The following TCTN1 variants were observed in gnomAD, a reference collection of about 807,000 sequenced individuals.
TCTN1 encodes the protein tectonic-1.
TCTN1 carries 58 observed loss-of-function variants against 65.8 expected under a neutral mutation model. That is an observed-to-expected ratio of 0.88 (90% CI 0.71 to 1.10). The LOEUF (loss-of-function observed/expected upper bound fraction) is 1.10, where lower values mean the gene tolerates loss of function less well. Among genes scored for constraint, TCTN1 ranks in the 50% least tolerant of loss-of-function variants. The pLI, the probability that TCTN1 is intolerant of heterozygous loss-of-function variation, is 0.00. For missense variants in TCTN1, 645 were observed against 719.4 expected (o/e 0.90, Z 1.18); for synonymous variants, 273 against 289.1 (o/e 0.94, Z 0.57).
At chr12:110,642,466 C>T in intron 11 of TCTN1, 77 bp downstream of exon 11, 1 of 1,600,200 alleles carries the variant, frequency 6.2e-7, no homozygotes, top group East Asian at 2.2e-5. Context: ...CCATTTTAAT[C>T]AAATCTCTGC....
In TCTN1 at chr12:110,620,361, T is replaced by C. The variant is rs200352400; in HGVS notation, c.341+405T>C. On this transcript the variant is annotated intron_variant, in intron 2 of 14. Coordinates refer to ENST00000397659, the MANE Select transcript of TCTN1 (RefSeq NM_001082538.3). ...AGGCAGAGCTTGCAGTGAGTGGAGA[T>C]TGCGCTACTGCACTCTAGCCTGGGT... is the stretch of plus-strand genomic sequence containing the variant. 2.2e-3 allele frequency among the ~76,000 whole-genome samples: 330 copies of C among 151,852 alleles called. 3 individuals carry two copies. Among genetic ancestry groups the C allele is most frequent in the East Asian group, 1.4e-3 (7 of 5,170 alleles).
In TCTN1 at chr12:110,628,537, C is replaced by T. The variant is rs554521707; in HGVS notation, c.473-230C>T. ...TGTATTTTTAGTAGAGACAGGATTTCACCGTGTTGGCCAGGCTGGTCTCAA... is the reference window on the plus strand; with the variant it reads ...TGTATTTTTAGTAGAGACAGGATTTTACCGTGTTGGCCAGGCTGGTCTCAA... On this transcript the variant is annotated intron_variant, in intron 3 of 14. Transcript: ENST00000397659. Among the ~76,000 whole-genome samples, 328 of 152,132 alleles carry T rather than the reference C, an allele frequency of 2.2e-3. 1 individual carries two copies. Among genetic ancestry groups the T allele is most frequent in the African/African-American group, 7.6e-3 (315 of 41,502 alleles).
chr12:110,624,032 T>C (rs1352738533), intron 2 of TCTN1, among the ~76,000 whole-genome samples: 1 of 152,064 alleles, frequency 6.6e-6, no homozygotes, highest in Non-Finnish European at 1.5e-5. Context: ...TAGAATATGG[T>C]CCCATTTTTA....
chr12:110,626,590 G>A, intron 3 of TCTN1, 98 bp downstream of exon 3: 1 of 1,291,066 alleles, frequency 7.7e-7, no homozygotes, highest in South Asian at 1.3e-5. Flanking sequence ...TATGATTATG[G>A]TTTTTTTGAG....
chr12:110,636,375 C>G (rs778001103), intron 6 of TCTN1, 106 bp from the exon 7 acceptor site: 2 of 754,838 alleles, frequency 2.6e-6, no homozygotes, highest in Non-Finnish European at 4.5e-6. Context: ...CTTTGTGAAG[C>G]CTTTAATAAG....
In TCTN1 at chr12:110,628,880, A is replaced by G. The variant is rs973469807; in HGVS notation, c.586A>G (p.Thr196Ala). The change falls in exon 4 of 15, where the codon ACA (threonine) becomes GCA (alanine). Residue 196 changes from threonine (T) to alanine (A), a missense_variant. By Grantham distance (58) the Thr-to-Ala change is moderately conservative. Transcript: ENST00000397659. ...GAATGCTGAATCATATGTTTCCTTC[A>G]CAACCAAACTGGATATTCCTACTGC... ...TLNAESYVSF[T>A]TKLDIPTAAK... The G allele has an allele frequency of 1.2e-6, 2 of 1,613,666 alleles. No individual in the cohort carries two copies. Among genetic ancestry groups the G allele is most frequent in the Admixed American group, 1.7e-5 (1 of 60,000 alleles).
At chr12:110,618,794 T>C (rs913233517) in intron 1 of TCTN1, among the ~76,000 whole-genome samples, 2 of 152,224 alleles carry the variant, frequency 1.3e-5, no homozygotes, top group Non-Finnish European at 2.9e-5. Flanking sequence ...TTCTTGTCCT[T>C]ATTTGACAGA....
chr12:110,621,472 G>T (rs2065426365), intron 2 of TCTN1, among the ~76,000 whole-genome samples: 1 of 151,440 alleles, frequency 6.6e-6, no homozygotes, highest in Non-Finnish European at 1.5e-5. Flanking sequence ...TCCAACTTGG[G>T]GCTATTTTTT....
chr12:110,638,205 C>G (rs1248009026), intron 7 of TCTN1, among the ~76,000 whole-genome samples: 1 of 152,130 alleles, frequency 6.6e-6, no homozygotes, highest in East Asian at 1.9e-4. Context: ...GCCAGCTCTA[C>G]TCTGTGAGCC....
rs541283664 is a variant in TCTN1 at position 110,621,574 on chromosome 12, G to A, written c.341+1618G>A. 2.0e-5 allele frequency among the ~76,000 whole-genome samples: 3 copies of A among 151,954 alleles called. No individual in the cohort carries two copies. In the South Asian group the frequency reaches 6.2e-4, roughly 32 times the overall value. ...TGCAACCTCTGCCTGCTGGCTTCAA[G>A]CAATTTTCCTGCCTCAGCCTCCCAA... On this transcript the variant is annotated intron_variant, in intron 2 of 14. Coordinates refer to ENST00000397659, the MANE Select transcript of TCTN1 (RefSeq NM_001082538.3).
At chr12:110,642,090 C>T in intron 10 of TCTN1, 159 bp from the exon 11 acceptor site, 2 of 864,206 alleles carry the variant, frequency 2.3e-6, no homozygotes, top group Non-Finnish European at 3.7e-6. Flanking sequence ...GAAAATAGAA[C>T]TGTTTTTTTG....
rs373866658 is a variant in TCTN1, at chr12:110,644,933, C to A, written c.1332-34C>A. The A allele has an allele frequency of 1.9e-6, 3 of 1,613,394 alleles. No homozygotes were observed. In the African/African-American group the frequency reaches 4.0e-5, roughly 22 times the overall value. On this transcript the variant is annotated intron_variant, in intron 11 of 14. Coordinates refer to ENST00000397659, the MANE Select transcript of TCTN1 (RefSeq NM_001082538.3). This position sits in a 1 kb window ranked among gnomAD's most constrained non-coding sequence, Gnocchi z 4.6. ...AAAACTGCTGGTGGATGAACAACAG[C>A]CTCATTCAGTTGACTTCTTTTTCCT...
intron 2 of TCTN1, among the ~76,000 whole-genome samples, 185 bp from the exon 3 acceptor site, chr12:110,626,177 C>T (rs1158585357): frequency 6.6e-6 from 1 of 151,788 alleles, no homozygotes; most frequent in Non-Finnish European, 1.5e-5. Flanking sequence ...CCAGCTCTGC[C>T]TCCTGGGTTC....
intron 10 of TCTN1, 198 bp downstream of exon 10, chr12:110,641,825 G>A: frequency 1.7e-6 from 1 of 601,354 alleles, no homozygotes; most frequent in South Asian, 2.1e-5. Context: ...CTGGCAGTTG[G>A]GGGTGAGACA....
chr12:110,620,810 C>CTTTTTT (rs1216049794), intron 2 of TCTN1, among the ~76,000 whole-genome samples: 775 of 133,282 alleles, frequency 5.8e-3, no homozygotes, highest in Non-Finnish European at 9.1e-3. Context: ...TTCAAGGCTT[C>CTTTTTT]TTTTTTTTTT....
chr12:110,646,956 C>T lies in TCTN1; in HGVS notation c.1495-240C>T, dbSNP rs78778277. On this transcript the variant is annotated intron_variant, in intron 12 of 14. Transcript: ENST00000397659. ...GCACTACCGCAGTTTCAGGTGATGTCGGCATTTTTAGAAATAGGAGGAGAT... is the reference window on the plus strand; with the variant it reads ...GCACTACCGCAGTTTCAGGTGATGTTGGCATTTTTAGAAATAGGAGGAGAT... 3.3e-3 allele frequency: 1,700 copies of T among 512,040 alleles called. 28 individuals are homozygous for T. Among genetic ancestry groups the T allele is most frequent in the African/African-American group, 0.029 (1,522 of 51,898 alleles). 31.7% of individuals were successfully genotyped at this position (512,040 alleles called of 1,614,324 possible).
chr12:110,622,820 T>C (rs2065535706), intron 2 of TCTN1, among the ~76,000 whole-genome samples: 1 of 152,152 alleles, frequency 6.6e-6, no homozygotes, highest in African/African-American at 2.4e-5. Flanking sequence ...CTTATGTAAT[T>C]CTGCAGCATC....
Position 110,644,922 on chromosome 12 carries a change from A to C in TCTN1, c.1332-45A>C. 4 of 1,611,472 alleles carry C rather than the reference A, an allele frequency of 2.5e-6. No homozygotes were observed. The highest frequency in any genetic ancestry group is 3.4e-6 in the Non-Finnish European group (4 of 1,177,668). On this transcript the variant is annotated intron_variant, in intron 11 of 14. Coordinates refer to ENST00000397659, the MANE Select transcript of TCTN1 (RefSeq NM_001082538.3). The surrounding 1 kb of genome is among the most constrained non-coding windows in gnomAD (Gnocchi z 4.6). ...GAAGAAAATGAAAAACTGCTGGTGG[A>C]TGAACAACAGCCTCATTCAGTTGAC... is the stretch of plus-strand genomic sequence containing the variant.
rs766525586 is a variant in TCTN1, at chr12:110,647,893, C to T, written c.*1C>T. Reference sequence around the variant, plus strand: ...TAACTTCTTCTTCCCGTTTGTTTGACGTAAGTGAGGAAACTACGCCCCTCC... The same window carrying T: ...TAACTTCTTCTTCCCGTTTGTTTGATGTAAGTGAGGAAACTACGCCCCTCC... On this transcript the variant is annotated splice_region_variant and 3_prime_UTR_variant, in exon 14 of 15. Transcript: ENST00000397659. The T allele has an allele frequency of 1.8e-5, 29 of 1,613,202 alleles. 1 individual carries two copies. The highest frequency in any genetic ancestry group is 3.3e-5 in the Admixed American group (2 of 60,006).
Sources: gnomAD v4.1 joint callset for allele counts (sites outside exome capture counted in the v4.1 genomes callset) on GRCh38, gnomAD v4.1.1 for gene constraint, Gnocchi (gnomAD v3.1) non-coding constraint, MANE v1.5 for transcripts, NCBI Gene and HGNC (gene_info 2026-07-23, HGNC 2026-07-21) for gene names.